Variants in SLC22A16 observed in about 807,000 individuals in gnomAD.
The protein encoded by SLC22A16 is WUGSC:RG331P03.1.
In SLC22A16, 53 loss-of-function variants were observed where a neutral mutation model predicts 52.9. The observed-to-expected ratio is 1.00, with a 90% CI of 0.80 to 1.26. SLC22A16 has a LOEUF of 1.26. Ranked by LOEUF, SLC22A16 falls within the 50% of genes most tolerant of loss-of-function variation. SLC22A16 has a pLI of 0.00. For missense variants in SLC22A16, 726 were observed against 704.0 expected (o/e 1.03, Z -0.35); for synonymous variants, 291 against 268.8 (o/e 1.08, Z -0.81).
chr6:110,465,815 G>A (rs1016412989), intron 1 of SLC22A16, among the ~76,000 whole-genome samples: 1 of 152,044 alleles, frequency 6.6e-6, no homozygotes, highest in Non-Finnish European at 1.5e-5. Context: ...CCACAAAAGA[G>A]CCCAAATAGC....
At chr6:110,425,604 G>T (rs1275636398) in intron 7 of SLC22A16, among the ~76,000 whole-genome samples, 1 of 152,210 alleles carries the variant, frequency 6.6e-6, no homozygotes, top group Non-Finnish European at 1.5e-5. Context: ...ACGGAATTTG[G>T]GGGAAGCTAA....
rs138292469 is a variant in SLC22A16 at position 110,457,123 on chromosome 6, T to C, written c.54-106A>G. ...ATGTTTATCTTAACATATACACGAA[T>C]GGATAAATATAGAAATAATTATAGA... On this transcript the variant is annotated intron_variant, in intron 1 of 7. Transcript: ENST00000368919. 1,044 of 1,002,082 alleles carry C rather than the reference T, an allele frequency of 1.0e-3. 20 individuals are homozygous for C. In the East Asian group the frequency reaches 0.026, roughly 25 times the overall value. The allele number at this position is 1,002,082 out of a possible 1,614,324, so 62.1% of individuals were successfully genotyped here.
chr6:110,476,238 C>T, intron 1 of SLC22A16: 1 of 839,800 alleles, frequency 1.2e-6, no homozygotes, highest in Non-Finnish European at 1.7e-6. Context: ...CCAGCATCTG[C>T]TGCCGCGGAG....
chr6:110,464,366 G>A (rs376357963), intron 1 of SLC22A16, among the ~76,000 whole-genome samples: 33 of 151,940 alleles, frequency 2.2e-4, no homozygotes, highest in African/African-American at 7.2e-4. Flanking sequence ...CACAAAGTTG[G>A]TTCTCTGAAA....
chr6:110,456,988 G>A lies in SLC22A16; in HGVS notation c.83C>T (p.Ala28Val), dbSNP rs764493920. ...AATACCACAAGAGATGTTCTGGAAG[G>A]CACATATGAAATAGAGGACTCTCTG... is the stretch of plus-strand genomic sequence containing the variant. Reference protein sequence around the residue: ...RFQRVLYFICAFQNISCGIHY... With the variant: ...RFQRVLYFICVFQNISCGIHY... The change falls in exon 2 of 8, where the codon GCC (alanine) becomes GTC (valine). Residue 28 changes from alanine (A) to valine (V), a missense_variant. Transcript: ENST00000368919. 17 of 1,554,142 alleles carry A rather than the reference G, an allele frequency of 1.1e-5. 1 individual carries two copies. Among genetic ancestry groups the A allele is most frequent in the South Asian group, 7.5e-5 (6 of 80,438 alleles).
chr6:110,430,334 A>C (rs1372912976), intron 7 of SLC22A16, among the ~76,000 whole-genome samples: 1 of 151,968 alleles, frequency 6.6e-6, no homozygotes, highest in Non-Finnish European at 1.5e-5. Context: ...TTGTGGTGAA[A>C]CATCCAGGGA....
intron 3 of SLC22A16, among the ~76,000 whole-genome samples, chr6:110,443,799 A>C (rs1053789049): frequency 6.6e-6 from 1 of 152,248 alleles, no homozygotes; most frequent in Non-Finnish European, 1.5e-5. Context: ...CCATAGATGA[A>C]TAGATAAGAA....
Position 110,446,646 on chromosome 6 carries a change from G to A in SLC22A16, c.651+227C>T, listed in dbSNP as rs531911603. Among the ~76,000 whole-genome samples the A allele has an allele frequency of 9.2e-5, 14 of 151,352 alleles. 1 individual carries two copies. The highest frequency in any genetic ancestry group is 2.7e-4 in the African/African-American group (11 of 41,466). On this transcript the variant is annotated intron_variant, in intron 3 of 7. Coordinates refer to ENST00000368919, the MANE Select transcript of SLC22A16 (RefSeq NM_033125.4). ...ATTGTGACATGTGGACCACATGCCCGACACAGAGGCAAACACACTTCTGCC... is the reference window on the plus strand; with the variant it reads ...ATTGTGACATGTGGACCACATGCCCAACACAGAGGCAAACACACTTCTGCC...
intron 3 of SLC22A16, among the ~76,000 whole-genome samples, chr6:110,443,949 T>C (rs1482363582): frequency 1.3e-5 from 2 of 152,152 alleles, no homozygotes; most frequent in African/African-American, 4.8e-5. Context: ...ATGGTGGTTG[T>C]CAGGGGCTAG....
intron 5 of SLC22A16, among the ~76,000 whole-genome samples, chr6:110,437,391 C>T (rs1774777065): frequency 6.6e-6 from 1 of 152,184 alleles, no homozygotes; most frequent in African/African-American, 2.4e-5. Flanking sequence ...ACCATCACTA[C>T]AAACTACTTT....
chr6:110,445,867 G>A (rs1775151083), intron 3 of SLC22A16, among the ~76,000 whole-genome samples: 1 of 152,090 alleles, frequency 6.6e-6, no homozygotes, highest in Non-Finnish European at 1.5e-5. Flanking sequence ...TTGCTATCTT[G>A]TATTTAAAAC....
intron 6 of SLC22A16, 44 bp downstream of exon 6, chr6:110,435,808 G>A: frequency 2.1e-6 from 3 of 1,407,024 alleles, no homozygotes; most frequent in Non-Finnish European, 3.0e-6. Context: ...TGACACACAA[G>A]TGAAAGATAA....
intron 7 of SLC22A16, among the ~76,000 whole-genome samples, chr6:110,429,807 C>T (rs1167757166): frequency 6.6e-6 from 1 of 151,992 alleles, no homozygotes; most frequent in Non-Finnish European, 1.5e-5. Context: ...TGGCTGGCCT[C>T]CTGGAAAGCG....
intron 3 of SLC22A16, 28 bp downstream of exon 3, chr6:110,446,845 A>C: frequency 6.3e-7 from 1 of 1,577,572 alleles, no homozygotes; most frequent in Non-Finnish European, 8.6e-7. Context: ...ACTGCAGCAG[A>C]ATTAAAGAAG....
intron 3 of SLC22A16, among the ~76,000 whole-genome samples, chr6:110,444,180 T>C (rs1019233192): frequency 5.3e-5 from 8 of 152,340 alleles, no homozygotes; most frequent in South Asian, 4.1e-4. Context: ...TTTGGAAATA[T>C]GACTATCTTT....
chr6:110,439,438 T>C (rs1369361271), intron 4 of SLC22A16, among the ~76,000 whole-genome samples: 2 of 152,184 alleles, frequency 1.3e-5, no homozygotes, highest in Non-Finnish European at 2.9e-5. Context: ...CAAATTGTCA[T>C]AGAGAATGAG....
At chr6:110,425,738 C>T (rs769079078) in intron 7 of SLC22A16, among the ~76,000 whole-genome samples, 12 of 152,214 alleles carry the variant, frequency 7.9e-5, no homozygotes, top group South Asian at 2.1e-4. Flanking sequence ...TTTAGACTAG[C>T]GCCAAGGCGT....
chr6:110,473,915 T>C (rs1251389718), intron 1 of SLC22A16, among the ~76,000 whole-genome samples: 1 of 151,982 alleles, frequency 6.6e-6, no homozygotes, highest in African/African-American at 2.4e-5. Context: ...TTCTCTACTG[T>C]AGGGGTCCCA....
In SLC22A16 at chr6:110,438,598, T is replaced by A. The variant is rs1000839717; in HGVS notation, c.1311+122A>T. 3.4e-5 allele frequency: 33 copies of A among 981,098 alleles called. No individual in the cohort carries two copies. The African/African-American group carries it at 5.2e-4, about 15-fold the overall frequency. 60.8% of individuals were successfully genotyped at this position (981,098 alleles called of 1,614,324 possible). Reference sequence around the variant, plus strand: ...GTTTTAAAGAAAACAGATTTTTAAATATTATATACTCTGCCCAAATCATAC... The same window carrying A: ...GTTTTAAAGAAAACAGATTTTTAAAAATTATATACTCTGCCCAAATCATAC... On this transcript the variant is annotated intron_variant, in intron 5 of 7. Coordinates refer to ENST00000368919, the MANE Select transcript of SLC22A16 (RefSeq NM_033125.4).
Sources: gnomAD v4.1 joint callset for allele counts (sites outside exome capture counted in the v4.1 genomes callset) on GRCh38, gnomAD v4.1.1 for gene constraint, MANE v1.5 for transcripts, NCBI Gene and HGNC (gene_info 2026-07-23, HGNC 2026-07-21) for gene names.